Variants in BUB1B observed in about 807,000 individuals in gnomAD.
The protein encoded by BUB1B is BUB1 mitotic checkpoint serine/threonine kinase B.
Under a neutral mutation model 137.7 loss-of-function variants are expected in BUB1B, and 86 were observed. The observed-to-expected ratio is 0.62, with a 90% CI of 0.52 to 0.75. BUB1B has a LOEUF of 0.75. Ranked by LOEUF, BUB1B falls within the 30% of genes least tolerant of loss-of-function variation. The probability of loss-of-function intolerance (pLI) is 0.00; values close to 1 mark genes in which losing one functional copy is unlikely to be tolerated. For missense variants in BUB1B, 1,130 were observed against 1,236.9 expected (o/e 0.91, Z 1.30); for synonymous variants, 420 against 417.9 (o/e 1.00, Z -0.06).
At chr15:40,208,857 C>T (rs943118885) in intron 16 of BUB1B, 87 bp downstream of exon 16, 2 of 1,363,986 alleles carry the variant, frequency 1.5e-6, no homozygotes, top group African/African-American at 2.9e-5. Context: ...TTTTTTGAGA[C>T]AGGGTCTCAC....
intron 1 of BUB1B, 125 bp from the exon 2 acceptor site, chr15:40,164,928 A>AATTC (rs2037077857): frequency 7.6e-5 from 85 of 1,123,710 alleles, no homozygotes; most frequent in Non-Finnish European, 8.3e-5. Flanking sequence ...AATAATAATT[A>AATTC]TGTGTCAGTC....
At chr15:40,161,804 T>TA (rs956529336) in intron 1 of BUB1B, among the ~76,000 whole-genome samples, 1 of 152,190 alleles carries the variant, frequency 6.6e-6, no homozygotes, top group Non-Finnish European at 1.5e-5. Flanking sequence ...TTCCTTGTAT[T>TA]AAAAAAACTA....
At chr15:40,191,248 G>A (rs934623593) in intron 8 of BUB1B, among the ~76,000 whole-genome samples, 13 of 152,008 alleles carry the variant, frequency 8.6e-5, no homozygotes, top group Non-Finnish European at 1.3e-4. Flanking sequence ...TAATATTTTT[G>A]GACCACCATT....
At chr15:40,183,624 T>C in intron 5 of BUB1B, 90 bp from the exon 6 acceptor site, 1 of 1,203,490 alleles carries the variant, frequency 8.3e-7, no homozygotes, top group East Asian at 2.4e-5. Flanking sequence ...CAGCCTGCTC[T>C]TCTAATTTGT....
At chr15:40,210,637 A>G (rs2037699462) in intron 18 of BUB1B, among the ~76,000 whole-genome samples, 2 of 152,060 alleles carry the variant, frequency 1.3e-5, no homozygotes, top group South Asian at 4.2e-4. Flanking sequence ...AGCCTCTGGA[A>G]TAGCTGGGAC....
rs375854305 is a variant in BUB1B, at chr15:40,202,482, T to G, written c.1628+17T>G. ...GAATAAAAGGTACGTTGTTTTTTTG[T>G]TTTTTTGGTTTTTTTTTACTTAAGA... On this transcript the variant is annotated intron_variant, in intron 13 of 22. Coordinates refer to ENST00000287598, the MANE Select transcript of BUB1B (RefSeq NM_001211.6). The G allele has an allele frequency of 1.6e-4, 263 of 1,603,844 alleles. No individual in the cohort carries two copies. The highest frequency in any genetic ancestry group is 1.4e-3 in the East Asian group (61 of 44,778).
chr15:40,204,878 TTCCCACC>T (rs1469953203), intron 14 of BUB1B, among the ~76,000 whole-genome samples: 1 of 151,250 alleles, frequency 6.6e-6, no homozygotes. Flanking sequence ...TCAAGTGATC[TTCCCACC>T]TCAGCCTGCC....
At chr15:40,170,328 C>T (rs945047943) in intron 3 of BUB1B, among the ~76,000 whole-genome samples, 3 of 152,206 alleles carry the variant, frequency 2.0e-5, no homozygotes, top group Admixed American at 2.0e-4. Context: ...CTTTGAACTA[C>T]ACCCTTCTAT....
chr15:40,216,544 A>G (rs563513736), intron 20 of BUB1B, among the ~76,000 whole-genome samples: 18 of 124,514 alleles, frequency 1.4e-4, no homozygotes, highest in African/African-American at 5.6e-4. Flanking sequence ...AACTATATAT[A>G]TACTATATAT....
rs751744682 is a variant in BUB1B at position 40,220,752 on chromosome 15, T to C, written c.3146T>C (p.Phe1049Ser). The stretch of plus-strand genomic sequence containing the variant: ...TTAACTAGTCCTGGGGCTTTGCTCT[T>C]TCAGTGAGCTAGGCAATCAAGTCTC... ...GKLTSPGALL[F>S]Q The change falls in exon 23 of 23, where the codon TTT becomes TCT. Residue 1049 changes from phenylalanine (F) to serine (S), a missense_variant. Transcript: ENST00000287598. The C allele has an allele frequency of 7.4e-6, 12 of 1,614,000 alleles. No individual in the cohort carries two copies. Among genetic ancestry groups the C allele is most frequent in the Non-Finnish European group, 9.3e-6 (11 of 1,179,944 alleles).
intron 20 of BUB1B, among the ~76,000 whole-genome samples, chr15:40,214,480 T>C (rs1595536007): frequency 6.6e-6 from 1 of 152,234 alleles, no homozygotes. Context: ...ATGCTGTGTC[T>C]GCCCAACCCT....
In BUB1B at chr15:40,170,552, A is replaced by G. The variant is rs140273483; in HGVS notation, c.255A>G (p.Thr85=). 62 of 1,613,570 alleles carry G rather than the reference A, an allele frequency of 3.8e-5. No individual in the cohort carries two copies. The highest frequency in any genetic ancestry group is 2.0e-4 in the East Asian group (9 of 44,846). The change falls in exon 4 of 23, where the codon ACA becomes ACG. Residue 85 remains threonine (T), a synonymous_variant. Transcript: ENST00000287598. ...TCCCATTTAGGTATATCAGCTGGAC[A>G]GAGCAGAACTATCCTCAAGGTGGGA... ...LDVWDRYISW[T]EQNYPQGGKE...
At position 40,193,024 on chromosome 15, in the gene BUB1B, T is replaced by A. The variant is rs150601009; in HGVS notation, c.1059-3521T>A. Among the ~76,000 whole-genome samples, 811 of 152,124 alleles carry A rather than the reference T, an allele frequency of 5.3e-3. 4 individuals are homozygous for A. Among genetic ancestry groups the A allele is most frequent in the Middle Eastern group, 0.031 (9 of 294 alleles). ...TGCCACCATGGCTGGCTTATTATTT[T>A]TTTTTTTTAAAGATGGGGTCTCACT... is the stretch of plus-strand genomic sequence containing the variant. On this transcript the variant is annotated intron_variant, in intron 8 of 22. Transcript: ENST00000287598.
Position 40,221,022 on chromosome 15 carries a change from A to G in BUB1B, c.*263A>G, listed in dbSNP as rs1454632461. The G allele has an allele frequency of 6.1e-6, 3 of 492,424 alleles. No homozygotes were observed. Among genetic ancestry groups the G allele is most frequent in the Admixed American group, 3.6e-5 (1 of 27,982 alleles). 30.5% of individuals were successfully genotyped at this position (492,424 alleles called of 1,614,324 possible). A position where few individuals can be genotyped will look rare whatever the true frequency, so the allele number is the denominator to read the frequency against. ...AAATGGTTACCTTGTTATTTAACCC[A>G]TTTGTCTCTACTTTTCCCTGTACTT... On this transcript the variant is annotated 3_prime_UTR_variant, in exon 23 of 23. Transcript: ENST00000287598.
intron 5 of BUB1B, among the ~76,000 whole-genome samples, chr15:40,183,050 C>T (rs1175576110): frequency 6.6e-6 from 1 of 152,040 alleles, no homozygotes; most frequent in East Asian, 1.9e-4. Context: ...CCAACACCTG[C>T]AATTTATTCT....
At chr15:40,212,977 AAT>A (rs1261443917) in intron 19 of BUB1B, among the ~76,000 whole-genome samples, 1 of 152,218 alleles carries the variant, frequency 6.6e-6, no homozygotes, top group Non-Finnish European at 1.5e-5. Flanking sequence ...ACCCAGACAC[AAT>A]ATGTCATTTT....
chr15:40,167,823 C>G (rs2037119011), intron 2 of BUB1B, among the ~76,000 whole-genome samples: 1 of 149,790 alleles, frequency 6.7e-6, no homozygotes, highest in South Asian at 2.1e-4. Context: ...GGGCCCTTTT[C>G]AAAAATCATT....
chr15:40,208,499 T>C (rs140345571), intron 15 of BUB1B, 138 bp from the exon 16 acceptor site: 252 of 806,862 alleles, frequency 3.1e-4, no homozygotes, highest in African/African-American at 2.6e-3. Flanking sequence ...GATCATGCAG[T>C]TGTGCTCCAG....
At chr15:40,175,558 A>T (rs1001595173) in intron 4 of BUB1B, among the ~76,000 whole-genome samples, 23 of 152,222 alleles carry the variant, frequency 1.5e-4, no homozygotes, top group African/African-American at 5.5e-4. Context: ...GACTGAAAAA[A>T]TTTATCAAAA....
Sources: allele counts gnomAD v4.1 joint callset (sites outside exome capture counted in the v4.1 genomes callset), GRCh38; gene constraint gnomAD v4.1.1; transcripts MANE v1.5; gene names NCBI Gene and HGNC (gene_info 2026-07-23, HGNC 2026-07-21).